Variants in RGS22 observed in about 807,000 individuals in gnomAD.
The protein encoded by RGS22 is regulator of G protein signaling 22, also known as regulator of G-protein signaling 22.
In RGS22, 148 loss-of-function variants were observed where a neutral mutation model predicts 172.9. The observed-to-expected ratio is 0.86, with a 90% confidence interval of 0.75 to 0.98. RGS22 has a LOEUF of 0.98. Ranked by LOEUF, RGS22 falls within the 50% of genes least tolerant of loss-of-function variation. The pLI, the probability that RGS22 is intolerant of heterozygous loss-of-function variation, is 0.00. For synonymous variants in RGS22, 458 were observed against 480.2 expected (o/e 0.95, Z 0.60); for missense variants, 1,347 against 1,440.8 (o/e 0.93, Z 1.05).
At chr8:99,968,129 G>A (rs1048682734) in intron 23 of RGS22, among the ~76,000 whole-genome samples, 1 of 152,202 alleles carries the variant, frequency 6.6e-6, no homozygotes, top group Non-Finnish European at 1.5e-5. Flanking sequence ...CAGCAGACCT[G>A]CAGAAGAGGG....
chr8:99,993,935 T>C lies in RGS22; in HGVS notation c.3018+2527A>G, dbSNP rs146741383. On this transcript the variant is annotated intron_variant, in intron 20 of 27. Transcript: ENST00000360863. The stretch of plus-strand genomic sequence containing the variant: ...ATCCACCACGATCAAGTCTGCTTCA[T>C]CCCTGGGATGCAAGGCTGGTTCAAC... Among the ~76,000 whole-genome samples, 201 of 152,314 alleles carry C rather than the reference T, an allele frequency of 1.3e-3. 2 individuals are homozygous for C. The East Asian group carries it at 0.036, about 27-fold the overall frequency.
intron 2 of RGS22, among the ~76,000 whole-genome samples, chr8:100,095,695 G>A (rs1210978140): frequency 1.3e-5 from 2 of 152,196 alleles, no homozygotes; most frequent in Non-Finnish European, 2.9e-5. Flanking sequence ...ACTGATAAGA[G>A]TTCTCAGGTG....
At chr8:100,057,073 C>A (rs147409952) in intron 9 of RGS22, among the ~76,000 whole-genome samples, 246 of 152,338 alleles carry the variant, frequency 1.6e-3, no homozygotes, top group African/African-American at 5.8e-3. Context: ...ATCAGCATGA[C>A]CTGGAGGTGA....
intron 14 of RGS22, among the ~76,000 whole-genome samples, chr8:100,012,978 ATTTTTTTTTTTTTTT>A (rs35339430): frequency 2.3e-5 from 2 of 88,744 alleles, no homozygotes; most frequent in African/African-American, 8.9e-5. Flanking sequence ...AACGCCTTTG[ATTTTTTTTTTTTTTT>A]TTTTTTTTTT....
At chr8:100,025,149 T>C (rs1818046002) in intron 14 of RGS22, among the ~76,000 whole-genome samples, 1 of 152,186 alleles carries the variant, frequency 6.6e-6, no homozygotes, top group Non-Finnish European at 1.5e-5. Flanking sequence ...AGTGGGTAGC[T>C]ACAAGCCAGA....
At chr8:100,022,427 A>G (rs3133684) in intron 14 of RGS22, among the ~76,000 whole-genome samples, 2,919 of 152,296 alleles carry the variant, frequency 0.019, 88 homozygotes, top group East Asian at 0.11. Flanking sequence ...AAAAGACGAG[A>G]ACAAACCAGG....
intron 14 of RGS22, among the ~76,000 whole-genome samples, chr8:100,025,129 T>C (rs1472961421): frequency 2.0e-5 from 3 of 152,038 alleles, no homozygotes; most frequent in Non-Finnish European, 4.4e-5. Context: ...CATCAGGAAG[T>C]GGGGAAATGA....
chr8:99,987,308 A>C (rs1813201228), intron 21 of RGS22, 150 bp downstream of exon 21: 1 of 500,246 alleles, frequency 2.0e-6, no homozygotes, highest in African/African-American at 1.9e-5. Flanking sequence ...TTGGACAATA[A>C]ACATCTCAAT....
intron 9 of RGS22, among the ~76,000 whole-genome samples, chr8:100,056,950 C>T (rs539059442): frequency 3.2e-4 from 49 of 152,228 alleles, no homozygotes; most frequent in African/African-American, 1.2e-3. Context: ...ACTGTGTGCC[C>T]GGAAAAGACG....
chr8:99,990,568 T>C (rs1419712137), intron 20 of RGS22, among the ~76,000 whole-genome samples: 1 of 152,178 alleles, frequency 6.6e-6, no homozygotes, highest in Non-Finnish European at 1.5e-5. Context: ...ACAATGCATA[T>C]GGTTCTTGGG....
chr8:99,968,009 T>C (rs1810933506), intron 23 of RGS22, among the ~76,000 whole-genome samples: 1 of 152,174 alleles, frequency 6.6e-6, no homozygotes, highest in South Asian at 2.1e-4. Context: ...CAAGTGCCCC[T>C]CTGGGACAAA....
intron 9 of RGS22, among the ~76,000 whole-genome samples, chr8:100,058,029 A>C (rs1175840145): frequency 6.6e-6 from 1 of 152,230 alleles, no homozygotes; most frequent in Non-Finnish European, 1.5e-5. Flanking sequence ...TAAAATTGTT[A>C]AACAGAATCA....
intron 20 of RGS22, among the ~76,000 whole-genome samples, chr8:99,994,550 C>A (rs958853560): frequency 6.6e-6 from 1 of 152,148 alleles, no homozygotes; most frequent in East Asian, 1.9e-4. Flanking sequence ...AGGACTCCAA[C>A]TGACAAGGGA....
At chr8:100,051,749 TTATATATTTATATATAAATGTTTA>T (rs1212100191) in intron 10 of RGS22, among the ~76,000 whole-genome samples, 1 of 74,632 alleles carries the variant, frequency 1.3e-5, no homozygotes, top group Non-Finnish European at 2.1e-5. Context: ...AAATATATAT[TTATATATTTATATATAAATGTTTA>T]TATATATTTA....
At chr8:100,043,558 G>A (rs1037877616) in intron 11 of RGS22, among the ~76,000 whole-genome samples, 11 of 152,100 alleles carry the variant, frequency 7.2e-5, no homozygotes, top group Middle Eastern at 3.4e-3. Context: ...GGTGGATCAC[G>A]TGAGGTCAGG....
chr8:99,992,834 C>T lies in RGS22; in HGVS notation c.3018+3628G>A, dbSNP rs530869358. Among the ~76,000 whole-genome samples, 60 of 152,328 alleles carry T rather than the reference C, an allele frequency of 3.9e-4. 4 individuals are homozygous for T. In the South Asian group the frequency reaches 6.6e-3, roughly 17 times the overall value. On this transcript the variant is annotated intron_variant, in intron 20 of 27. Transcript: ENST00000360863. Reference sequence around the variant, plus strand: ...ATACATTCTTCTCAGCACCACATCACATTTATTCTAAAATTAACCACATAA... The same window carrying T: ...ATACATTCTTCTCAGCACCACATCATATTTATTCTAAAATTAACCACATAA...
intron 14 of RGS22, among the ~76,000 whole-genome samples, chr8:100,014,638 G>A (rs1383144936): frequency 6.6e-6 from 1 of 151,794 alleles, no homozygotes; most frequent in African/African-American, 2.4e-5. Flanking sequence ...GCCAATTTCC[G>A]CTTCTTCTCA....
At chr8:100,000,038 G>T (rs1814862544) in intron 18 of RGS22, among the ~76,000 whole-genome samples, 1 of 152,078 alleles carries the variant, frequency 6.6e-6, no homozygotes. Context: ...AACAGAAAAA[G>T]GTCATGTTTT....
chr8:100,028,698 G>A (rs947889580), intron 14 of RGS22, among the ~76,000 whole-genome samples: 2 of 152,080 alleles, frequency 1.3e-5, no homozygotes, highest in African/African-American at 4.8e-5. Context: ...TACAAAACAT[G>A]CCAGAAAAGA....
Sources: allele counts gnomAD v4.1 joint callset (sites outside exome capture counted in the v4.1 genomes callset), GRCh38; gene constraint gnomAD v4.1.1; transcripts MANE v1.5; gene names NCBI Gene and HGNC (gene_info 2026-07-23, HGNC 2026-07-21).